Variants in DST observed in about 807,000 individuals in gnomAD.
The protein encoded by DST is dystonin.
A neutral mutation model predicts 875.2 loss-of-function variants in DST; 253 were observed. That is an observed-to-expected ratio of 0.29 (90% CI 0.26 to 0.32). DST has a LOEUF of 0.32. DST is among the 10% of genes least tolerant of loss of function. The probability of loss-of-function intolerance (pLI) is 1.00; values close to 1 mark genes in which losing one functional copy is unlikely to be tolerated. For missense variants in DST, 8,287 were observed against 9,111.6 expected, an observed-to-expected ratio of 0.91 and a Z score of 3.68; for synonymous variants, 3,124 against 3,197.1, an observed-to-expected ratio of 0.98 and a Z score of 0.77.
intron 2 of DST, among the ~76,000 whole-genome samples, chr6:56,922,245 T>C (rs1002901908): frequency 2.0e-5 from 3 of 152,256 alleles, no homozygotes; most frequent in Admixed American, 2.0e-4. Context: ...TTCTAAGAAA[T>C]AGAAAAAGAT....
Position 56,458,229 on chromosome 6 carries a change from C to T in DST, c.*776G>A, listed in dbSNP as rs2094163618. 1 of 152,540 alleles carries T rather than the reference C, an allele frequency of 6.6e-6. No homozygotes were observed. Among genetic ancestry groups the T allele is most frequent in the South Asian group, 2.1e-4 (1 of 4,824 alleles). 9.4% of individuals were successfully genotyped at this position (152,540 alleles called of 1,614,324 possible). ...TTTCCCTGGGGAAAAAAAATTAATTCCATAGCAATGCAGTTAAGGGACGTG... is the reference window on the plus strand; with the variant it reads ...TTTCCCTGGGGAAAAAAAATTAATTTCATAGCAATGCAGTTAAGGGACGTG... On this transcript the variant is annotated 3_prime_UTR_variant, in exon 104 of 104. Transcript: ENST00000680361.
chr6:56,630,499 G>A, intron 30 of DST, 116 bp from the exon 31 acceptor site: 1 of 923,616 alleles, frequency 1.1e-6, no homozygotes, highest in South Asian at 1.4e-5. Flanking sequence ...TTGGAACACT[G>A]ATACATTTAC....
rs2098681648 is a variant in DST at position 56,620,623 on chromosome 6, T to C, written c.4929+3907A>G. On this transcript the variant is annotated intron_variant, in intron 36 of 103. Coordinates refer to ENST00000680361, the MANE Select transcript of DST (RefSeq NM_001374736.1). ...TTCTTTCCAACTCACTTATCTTTCCTGTAAGTTTGCTATTCTCAAGCACTG... is the reference window on the plus strand; with the variant it reads ...TTCTTTCCAACTCACTTATCTTTCCCGTAAGTTTGCTATTCTCAAGCACTG... The C allele has an allele frequency of 4.3e-6, 7 of 1,614,036 alleles. No homozygotes were observed. Among genetic ancestry groups the C allele is most frequent in the Non-Finnish European group, 5.9e-6 (7 of 1,180,034 alleles).
At chr6:56,781,888 A>T (rs2099694835) in intron 4 of DST, among the ~76,000 whole-genome samples, 1 of 152,106 alleles carries the variant, frequency 6.6e-6, no homozygotes, top group Non-Finnish European at 1.5e-5. Context: ...TTATTTTGAG[A>T]TACATCCCAT....
chr6:56,692,499 G>A (rs1344511605), intron 9 of DST: 3 of 1,289,452 alleles, frequency 2.3e-6, no homozygotes, highest in Non-Finnish European at 3.0e-6. Context: ...ATCTCTCAGT[G>A]TTTTGCTTTT....
Position 56,593,918 on chromosome 6 carries a change from A to C in DST, c.12471T>G (p.Leu4157=), listed in dbSNP as rs191989879. Residue 4157 remains leucine (L), a synonymous_variant, in exon 48 of 104, where the codon CTT becomes CTG. Coordinates refer to ENST00000680361, the MANE Select transcript of DST (RefSeq NM_001374736.1). Reference sequence around the variant, plus strand: ...CATCTGCACCTGCCTCCAGGTTTTCAAGTTCTTGTTCTGACTGCTGTAGCC... The same window carrying C: ...CATCTGCACCTGCCTCCAGGTTTTCCAGTTCTTGTTCTGACTGCTGTAGCC... The part of the protein sequence containing the change: ...EHWLQQSEQE[L]ENLEAGADDI... 11 of 1,613,758 alleles carry C rather than the reference A, an allele frequency of 6.8e-6. No homozygotes were observed. In the African/African-American group the frequency reaches 1.1e-4, roughly 16 times the overall value.
chr6:56,580,439 A>C (rs1435717928), intron 49 of DST, among the ~76,000 whole-genome samples: 1 of 151,972 alleles, frequency 6.6e-6, no homozygotes, highest in Non-Finnish European at 1.5e-5. Context: ...AGTCTCAATT[A>C]CTCAGGAGCT....
At chr6:56,591,810 T>C (rs966704115) in intron 49 of DST, among the ~76,000 whole-genome samples, 10 of 151,712 alleles carry the variant, frequency 6.6e-5, no homozygotes, top group Admixed American at 1.3e-4. Flanking sequence ...CCGTCTCTAC[T>C]AAAAATACAA....
chr6:56,473,843 G>A (rs1285890479), intron 93 of DST, 30 bp downstream of exon 93: 1 of 1,568,978 alleles, frequency 6.4e-7, no homozygotes, highest in East Asian at 2.3e-5. Context: ...CTTATTTATT[G>A]ACATTTTAAA....
At chr6:56,518,780 G>C (rs2096642398) in intron 69 of DST, among the ~76,000 whole-genome samples, 1 of 152,144 alleles carries the variant, frequency 6.6e-6, no homozygotes, top group Non-Finnish European at 1.5e-5. Context: ...AATTAATGAG[G>C]AATGAACATT....
rs1480623667 is a variant in DST at position 56,497,884 on chromosome 6, T to C, written c.20066A>G (p.Lys6689Arg). 1 of 1,612,008 alleles carries C rather than the reference T, an allele frequency of 6.2e-7. No individual in the cohort carries two copies. Among genetic ancestry groups the C allele is most frequent in the Admixed American group, 1.7e-5 (1 of 59,798 alleles). ...GCGCAAGGCACCATCCAGCTGCTGC[T>C]TCCTTTGTTCTGTTTTTTCCAAAAC... ...QNVLEKTEQR[K>R]QQLDGALRQA... Residue 6689 changes from lysine (K) to arginine (R), a missense_variant, in exon 81 of 104, where the codon AAG becomes AGG. Around this residue, in one of 10 missense-constraint regions of DST, gnomAD observed 1,292 missense variants for 1,552.7 expected, o/e 0.83. Coordinates refer to ENST00000680361, the MANE Select transcript of DST (RefSeq NM_001374736.1).
At chr6:56,486,759 C>T (rs1282990190) in intron 87 of DST, among the ~76,000 whole-genome samples, 1 of 152,048 alleles carries the variant, frequency 6.6e-6, no homozygotes. Flanking sequence ...GACAAGATTC[C>T]ATTTACATTT....
intron 2 of DST, among the ~76,000 whole-genome samples, chr6:56,952,424 C>T (rs1822819578): frequency 6.6e-6 from 1 of 152,164 alleles, no homozygotes; most frequent in Non-Finnish European, 1.5e-5. Context: ...TTATTTACTT[C>T]TCATCACATC....
chr6:56,900,961 C>G (rs2127690272), intron 2 of DST, among the ~76,000 whole-genome samples: 1 of 151,548 alleles, frequency 6.6e-6, no homozygotes, highest in African/African-American at 2.4e-5. Flanking sequence ...AAGGGCGTTT[C>G]CATTTTGGCC....
chr6:56,863,316 T>C (rs1772290632), intron 3 of DST: 1 of 152,228 alleles, frequency 6.6e-6, no homozygotes, highest in Admixed American at 6.5e-5. Flanking sequence ...AGTCACGCCA[T>C]TTACACATAT....
At chr6:56,630,509 C>G in intron 30 of DST, 126 bp from the exon 31 acceptor site, 1 of 858,946 alleles carries the variant, frequency 1.2e-6, no homozygotes, top group Non-Finnish European at 1.8e-6. Flanking sequence ...GATACATTTA[C>G]TATGAAACTG....
intron 3 of DST, chr6:56,871,658 T>A: frequency 1.4e-6 from 1 of 735,062 alleles, no homozygotes; most frequent in Non-Finnish European, 2.5e-6. Context: ...AGGAACAAAT[T>A]GTTCCTAAAC....
intron 2 of DST, among the ~76,000 whole-genome samples, chr6:56,943,966 AAT>A (rs1818088638): frequency 6.6e-6 from 1 of 151,900 alleles, no homozygotes; most frequent in African/African-American, 2.4e-5. Flanking sequence ...AAAATATAAA[AAT>A]TAGCTGGGCG....
At chr6:56,701,352 G>C (rs1160951926) in intron 8 of DST, among the ~76,000 whole-genome samples, 1 of 151,718 alleles carries the variant, frequency 6.6e-6, no homozygotes, top group East Asian at 1.9e-4. Flanking sequence ...AAGCAAGTTG[G>C]GGGCTATTGT....
Sources: allele counts gnomAD v4.1 joint callset (sites outside exome capture counted in the v4.1 genomes callset), GRCh38; gene constraint gnomAD v4.1.1; regional missense constraint gnomAD v4.1.1; transcripts MANE v1.5; gene names NCBI Gene and HGNC (gene_info 2026-07-23, HGNC 2026-07-21).